The following ZBTB40 variants were observed in gnomAD, a reference collection of about 807,000 sequenced individuals.
ZBTB40 encodes zinc finger and BTB domain-containing protein 40.
A neutral mutation model predicts 117.5 loss-of-function variants in ZBTB40; 60 were observed. That is an observed-to-expected ratio of 0.51 (90% CI 0.41 to 0.63). ZBTB40 has a LOEUF of 0.63. ZBTB40 is among the 30% of genes least tolerant of loss of function. ZBTB40 has a pLI of 0.00. For synonymous variants in ZBTB40, 525 were observed against 577.1 expected (o/e 0.91, Z 1.29); for missense variants, 1,287 against 1,498.5 (o/e 0.86, Z 2.33).
intron 15 of ZBTB40, 64 bp from the exon 16 acceptor site, chr1:22,522,313 C>G: frequency 1.3e-6 from 2 of 1,543,382 alleles, no homozygotes; most frequent in Non-Finnish European, 1.8e-6. Context: ...CCCTGTTACT[C>G]TTCAGCCTTG....
chr1:22,490,731 C>T, intron 2 of ZBTB40, 86 bp downstream of exon 2: 6 of 1,512,660 alleles, frequency 4.0e-6, no homozygotes, highest in Middle Eastern at 1.7e-4. Flanking sequence ...TTATCAAAGA[C>T]CACTGTTAGG....
At position 22,526,394 on chromosome 1, in the gene ZBTB40, T is replaced by A; in HGVS notation, c.3718T>A (p.Ter1240ArgextTer56). The A allele has an allele frequency of 6.2e-7, 1 of 1,614,046 alleles. No homozygotes were observed. Among genetic ancestry groups the A allele is most frequent in the Non-Finnish European group, 8.5e-7 (1 of 1,180,012 alleles). ...GACGCTGATCTGTGGTGAGGCCAAA[T>A]GAGCAGCCTTTCATCCGGCAGAGCC... is the stretch of plus-strand genomic sequence containing the variant. ...TVTLICGEAK[*>R] Residue 1240 changes from the stop codon to arginine (R), a stop_lost, in exon 18 of 18, where the codon TGA becomes AGA. Coordinates refer to ENST00000375647, the MANE Select transcript of ZBTB40 (RefSeq NM_014870.4).
chr1:22,434,203 G>T (rs983308578), intron 1 of ZBTB40, among the ~76,000 whole-genome samples: 2 of 152,064 alleles, frequency 1.3e-5, no homozygotes, highest in African/African-American at 4.8e-5. Context: ...TGAATTAATC[G>T]AGCATCTTTT....
chr1:22,504,168 T>G (rs1327010856), intron 5 of ZBTB40, among the ~76,000 whole-genome samples: 1 of 152,224 alleles, frequency 6.6e-6, no homozygotes, highest in Non-Finnish European at 1.5e-5. Flanking sequence ...GAATGTTGAT[T>G]GAATAGCCAC....
intron 1 of ZBTB40, among the ~76,000 whole-genome samples, chr1:22,464,345 T>C (rs1641203705): frequency 6.6e-6 from 1 of 152,226 alleles, no homozygotes; most frequent in Non-Finnish European, 1.5e-5. Context: ...AAGGGTGTAG[T>C]TGGGCAACAT....
chr1:22,511,087 G>A (rs1639217769), intron 9 of ZBTB40, 92 bp from the exon 10 acceptor site: 7 of 1,397,166 alleles, frequency 5.0e-6, no homozygotes, highest in Non-Finnish European at 5.0e-6. Flanking sequence ...GCCTTCCTGG[G>A]ATTAGCTTTT....
rs1226532541 is a variant in ZBTB40 at position 22,529,264 on chromosome 1, C to T, written c.*2868C>T. On this transcript the variant is annotated 3_prime_UTR_variant, in exon 18 of 18. Coordinates refer to ENST00000375647, the MANE Select transcript of ZBTB40 (RefSeq NM_014870.4). Reference sequence around the variant, plus strand: ...TGGGGTCCCGGTGTTGTTTTTGCCTCGTTCCCCATAGGCTGCTGCCCTTAT... The same window carrying T: ...TGGGGTCCCGGTGTTGTTTTTGCCTTGTTCCCCATAGGCTGCTGCCCTTAT... The T allele has an allele frequency of 6.6e-6, 1 of 152,412 alleles. No homozygotes were observed. Among genetic ancestry groups the T allele is most frequent in the African/African-American group, 2.4e-5 (1 of 41,440 alleles). 9.4% of individuals were successfully genotyped at this position (152,412 alleles called of 1,614,324 possible). A position where few individuals can be genotyped will look rare whatever the true frequency, so the allele number is the denominator to read the frequency against.
intron 12 of ZBTB40, among the ~76,000 whole-genome samples, chr1:22,516,699 T>C (rs1639382497): frequency 6.6e-6 from 1 of 152,150 alleles, no homozygotes; most frequent in Admixed American, 6.5e-5. Flanking sequence ...ATAAGGGAGC[T>C]TGGAGGTTCA....
At chr1:22,509,861 T>C (rs1157468483) in intron 9 of ZBTB40, among the ~76,000 whole-genome samples, 1 of 152,232 alleles carries the variant, frequency 6.6e-6, no homozygotes, top group Non-Finnish European at 1.5e-5. Context: ...AACCAATTTA[T>C]TCCATTTATC....
chr1:22,473,313 G>A (rs141817556), intron 1 of ZBTB40, among the ~76,000 whole-genome samples: 1 of 152,174 alleles, frequency 6.6e-6, no homozygotes, highest in East Asian at 1.9e-4. Context: ...GTGGATAAAG[G>A]GCATGAGCTT....
chr1:22,510,591 A>G (rs1639205607), intron 9 of ZBTB40, among the ~76,000 whole-genome samples: 1 of 152,204 alleles, frequency 6.6e-6, no homozygotes, highest in Non-Finnish European at 1.5e-5. Flanking sequence ...TAGCTCTAAC[A>G]TTCTGAAAGA....
intron 1 of ZBTB40, among the ~76,000 whole-genome samples, chr1:22,470,805 C>T (rs1193274296): frequency 6.6e-6 from 1 of 152,196 alleles, no homozygotes; most frequent in Non-Finnish European, 1.5e-5. Flanking sequence ...GGCCCTCAGA[C>T]TCCACCTGCC....
rs567179042 is a variant in ZBTB40 at position 22,465,108 on chromosome 1, G to A, written c.-70+13104G>A. On this transcript the variant is annotated intron_variant, in intron 1 of 17. Transcript: ENST00000375647. ...TGTTAGAACAGCTCAGAGGAGACCC[G>A]CGATGGTTAGTTCCCCTCTGTAGGC... 1.1e-3 allele frequency among the ~76,000 whole-genome samples: 174 copies of A among 152,290 alleles called. 1 individual carries two copies. The highest frequency in any genetic ancestry group is 1.5e-3 in the Non-Finnish European group (101 of 68,030).
At chr1:22,494,117 A>G (rs543891950) in intron 3 of ZBTB40, among the ~76,000 whole-genome samples, 1 of 152,314 alleles carries the variant, frequency 6.6e-6, no homozygotes, top group Non-Finnish European at 1.5e-5. Flanking sequence ...GTTTGTTTTT[A>G]CATTAACTCA....
At chr1:22,445,614 T>C (rs547806768) in intron 1 of ZBTB40, among the ~76,000 whole-genome samples, 1 of 152,146 alleles carries the variant, frequency 6.6e-6, no homozygotes, top group East Asian at 1.9e-4. Flanking sequence ...TCCCAGCACT[T>C]TGAGAGGCCA....
chr1:22,522,945 C>CTTTTTTTTTTT lies in ZBTB40; in HGVS notation c.3298+492_3298+502dup, dbSNP rs34232963. On this transcript the variant is annotated intron_variant, in intron 16 of 17. Coordinates refer to ENST00000375647, the MANE Select transcript of ZBTB40 (RefSeq NM_014870.4). ...CCATGCTCGACTAAATAAGATGTAC[C>CTTTTTTTTTTT]TTTTTTTTTTTTTTTTTTTTGAGAT... Among the ~76,000 whole-genome samples, 52 of 93,910 alleles carry CTTTTTTTTTTT rather than the reference C, an allele frequency of 5.5e-4. 3 individuals are homozygous for CTTTTTTTTTTT. The highest frequency in any genetic ancestry group is 2.0e-3 in the South Asian group (4 of 1,996). The allele number at this position is 93,910 out of a possible 152,430, so 61.6% of individuals were successfully genotyped here.
intron 13 of ZBTB40, among the ~76,000 whole-genome samples, chr1:22,518,634 C>T (rs1050656060): frequency 1.3e-5 from 2 of 152,154 alleles, no homozygotes; most frequent in South Asian, 2.1e-4. Flanking sequence ...CCAAGTCTGT[C>T]GTCAGCCAGC....
At chr1:22,518,970 C>G (rs150753411) in intron 13 of ZBTB40, among the ~76,000 whole-genome samples, 1 of 152,184 alleles carries the variant, frequency 6.6e-6, no homozygotes, top group Non-Finnish European at 1.5e-5. Context: ...CTATATCATC[C>G]GTGGCAGGCC....
At position 22,513,968 on chromosome 1, in the gene ZBTB40, C is replaced by T. The variant is rs209724; in HGVS notation, c.2668+838C>T. ...AGAAGGACCCTGACTAAGCACCTAC[C>T]GTGGATCAGACAGTGGCAGATGCCG... On this transcript the variant is annotated intron_variant, in intron 12 of 17. Transcript: ENST00000375647. This position sits in a 1 kb window ranked among gnomAD's most constrained non-coding sequence, Gnocchi z 4.9. Among the ~76,000 whole-genome samples, 70,626 of 152,098 alleles carry T rather than the reference C, an allele frequency of 0.46. 18,503 individuals are homozygous for T. The highest frequency in any genetic ancestry group is 0.69 in the African/African-American group (28,714 of 41,518).
Sources: gnomAD v4.1 joint callset for allele counts (sites outside exome capture counted in the v4.1 genomes callset) on GRCh38, gnomAD v4.1.1 for gene constraint, Gnocchi (gnomAD v3.1) non-coding constraint, MANE v1.5 for transcripts, NCBI Gene and HGNC (gene_info 2026-07-23, HGNC 2026-07-21) for gene names.